Variants in SAMSN1 observed in about 807,000 individuals in gnomAD.
SAMSN1 encodes SAM domain, SH3 domain and nuclear localization signals 1.
A neutral mutation model predicts 42.0 loss-of-function variants in SAMSN1; 31 were observed. That is an observed-to-expected ratio of 0.74 (90% CI 0.55 to 1.00). The LOEUF (loss-of-function observed/expected upper bound fraction) is 1.00, where lower values mean the gene tolerates loss of function less well. Among genes scored for constraint, SAMSN1 ranks in the 50% least tolerant of loss-of-function variants. SAMSN1 has a pLI of 0.00. For synonymous variants in SAMSN1, 178 were observed against 151.9 expected (o/e 1.17, Z -1.26); for missense variants, 464 against 439.4 (o/e 1.06, Z -0.50).
intron 2 of SAMSN1, among the ~76,000 whole-genome samples, chr21:14,551,917 G>C (rs1366409964): frequency 6.6e-6 from 1 of 152,084 alleles, no homozygotes; most frequent in Non-Finnish European, 1.5e-5. Flanking sequence ...TATGTCATAA[G>C]TAGGTCTTGG....
chr21:14,654,499 A>G (rs1157782708), intron 1 of SAMSN1, among the ~76,000 whole-genome samples: 1 of 152,020 alleles, frequency 6.6e-6, no homozygotes, highest in Non-Finnish European at 1.5e-5. Context: ...CCTGAGGGGT[A>G]GCATGCAATC....
chr21:14,597,564 T>C (rs953958005), intron 6 of SAMSN1, among the ~76,000 whole-genome samples: 3 of 152,184 alleles, frequency 2.0e-5, no homozygotes, highest in African/African-American at 4.8e-5. Flanking sequence ...ATTGCTTACA[T>C]AGAGCAGAGT....
chr21:14,550,175 C>T (rs1980552309), upstream of SAMSN1, among the ~76,000 whole-genome samples: 1 of 152,108 alleles, frequency 6.6e-6, no homozygotes, highest in South Asian at 2.1e-4. Context: ...TTCCCCCTGG[C>T]CTATGGGAGG....
intron 1 of SAMSN1, among the ~76,000 whole-genome samples, chr21:14,538,143 G>A (rs749772389): frequency 1.9e-4 from 29 of 152,060 alleles, no homozygotes; most frequent in Admixed American, 1.1e-3. Context: ...TTTTTGGAGC[G>A]GACGGAGGTA....
At chr21:14,570,114 G>A (rs749112566) in intron 2 of SAMSN1, among the ~76,000 whole-genome samples, 8 of 151,956 alleles carry the variant, frequency 5.3e-5, no homozygotes, top group Non-Finnish European at 1.2e-4. Context: ...TGCCCTTTGC[G>A]GGTGACTGCG....
intron 2 of SAMSN1, among the ~76,000 whole-genome samples, chr21:14,576,667 G>A (rs1410544176): frequency 6.6e-6 from 1 of 151,756 alleles, no homozygotes; most frequent in African/African-American, 2.4e-5. Context: ...TCATCCACAC[G>A]ATTTGTCACC....
chr21:14,494,755 T>C (rs1986843680), intron 7 of SAMSN1, among the ~76,000 whole-genome samples: 1 of 151,736 alleles, frequency 6.6e-6, no homozygotes, highest in African/African-American at 2.4e-5. Flanking sequence ...AAGGTCAAAG[T>C]GGGTACAATG....
At chr21:14,546,893 T>C (rs991141695), upstream of SAMSN1, among the ~76,000 whole-genome samples, 1 of 152,034 alleles carries the variant, frequency 6.6e-6, no homozygotes, top group African/African-American at 2.4e-5. Context: ...GTATTTTTAG[T>C]AGAGATGGGG....
intron 2 of SAMSN1, among the ~76,000 whole-genome samples, chr21:14,562,553 T>C (rs2123201502): frequency 1.3e-5 from 2 of 149,762 alleles, no homozygotes; most frequent in East Asian, 3.9e-4. Flanking sequence ...TATATGTATG[T>C]ATATAATACT....
intron 5 of SAMSN1, among the ~76,000 whole-genome samples, chr21:14,604,351 T>C (rs1167375566): frequency 6.6e-6 from 1 of 152,122 alleles, no homozygotes; most frequent in South Asian, 2.1e-4. Context: ...TCTGGGGTGA[T>C]CTTAGTGACT....
intron 2 of SAMSN1, chr21:14,619,713 CACTT>C (rs757297220): frequency 3.2e-5 from 9 of 284,746 alleles, no homozygotes; most frequent in South Asian, 3.0e-4. Flanking sequence ...AAATAATACA[CACTT>C]ATTTATTAAA....
intron 4 of SAMSN1, 46 bp downstream of exon 4, chr21:14,512,398 C>G: frequency 6.2e-7 from 1 of 1,603,162 alleles, no homozygotes; most frequent in Non-Finnish European, 8.5e-7. Flanking sequence ...ATTAATTTAA[C>G]CCAGACCTCA....
At chr21:14,502,296 G>A (rs962966530) in intron 5 of SAMSN1, among the ~76,000 whole-genome samples, 28 of 152,128 alleles carry the variant, frequency 1.8e-4, no homozygotes, top group Admixed American at 1.7e-3. Context: ...TCATAGGTTG[G>A]ATGGTATCAG....
chr21:14,559,248 G>A (rs1029159777), intron 2 of SAMSN1, among the ~76,000 whole-genome samples: 3 of 152,096 alleles, frequency 2.0e-5, no homozygotes, highest in Non-Finnish European at 2.9e-5. Context: ...ATGTCATGTG[G>A]TTCATGCAAA....
intron 1 of SAMSN1, among the ~76,000 whole-genome samples, chr21:14,655,635 A>C (rs890360272): frequency 1.3e-5 from 2 of 151,806 alleles, no homozygotes; most frequent in Non-Finnish European, 2.9e-5. Context: ...CAAATTGGGA[A>C]AAGGCAGGAC....
chr21:14,529,860 C>T (rs1979127917), intron 1 of SAMSN1, among the ~76,000 whole-genome samples: 1 of 152,132 alleles, frequency 6.6e-6, no homozygotes, highest in African/African-American at 2.4e-5. Context: ...GTGTCTATGC[C>T]TATACCTACT....
intron 5 of SAMSN1, among the ~76,000 whole-genome samples, chr21:14,507,323 T>C (rs1987461565): frequency 6.6e-6 from 1 of 152,204 alleles, no homozygotes; most frequent in Non-Finnish European, 1.5e-5. Context: ...CTCCTAGAAC[T>C]GATAAAAGAA....
At chr21:14,598,547 G>C (rs894870113) in intron 6 of SAMSN1, among the ~76,000 whole-genome samples, 4 of 152,134 alleles carry the variant, frequency 2.6e-5, no homozygotes, top group African/African-American at 7.2e-5. Context: ...TGGTTCTCCA[G>C]GAAGTTTATC....
intron 7 of SAMSN1, among the ~76,000 whole-genome samples, chr21:14,589,547 A>G (rs746821078): frequency 3.3e-5 from 5 of 152,112 alleles, no homozygotes; most frequent in Non-Finnish European, 5.9e-5. Context: ...GGAAATATAT[A>G]AATATATGTG....
Sources: gnomAD v4.1 joint callset for allele counts (sites outside exome capture counted in the v4.1 genomes callset) on GRCh38, gnomAD v4.1.1 for gene constraint, MANE v1.5 for transcripts, NCBI Gene and HGNC (gene_info 2026-07-23, HGNC 2026-07-21) for gene names.